Variants in KAZN observed in about 807,000 individuals in gnomAD.
The protein encoded by KAZN is kazrin, periplakin interacting protein, also known as kazrin.
In KAZN, 40 loss-of-function variants were observed where a neutral mutation model predicts 87.4. That is an observed-to-expected ratio of 0.46 (90% CI 0.36 to 0.60). The LOEUF is 0.60. KAZN is among the 20% of genes least tolerant of loss of function. The pLI is 0.00. For missense variants in KAZN, 898 were observed against 1,073.9 expected (o/e 0.84, Z 2.29); for synonymous variants, 466 against 458.3 (o/e 1.02, Z -0.22).
rs188669813 is a variant in KAZN at position 14,544,504 on chromosome 1, T to C, written c.250-54479T>C. On this transcript the variant is annotated intron_variant, in intron 2 of 16. Coordinates refer to the KAZN transcript ENST00000636203. ...GCAAAGGAGAAACATAGACTTCTTA[T>C]GAAATTCAAAAGTGCTAATGTCTCC... 5.5e-4 allele frequency among the ~76,000 whole-genome samples: 83 copies of C among 151,970 alleles called. 1 individual carries two copies. In the East Asian group the frequency reaches 0.011, roughly 21 times the overall value.
intron 4 of KAZN, among the ~76,000 whole-genome samples, chr1:15,052,644 G>A (rs1258972484): frequency 6.6e-6 from 1 of 152,146 alleles, no homozygotes; most frequent in Non-Finnish European, 1.5e-5. Context: ...ATACGTGGGT[G>A]TGAAAGCAGG....
At chr1:14,931,441 T>C (rs991020361) in intron 1 of KAZN, among the ~76,000 whole-genome samples, 1 of 150,192 alleles carries the variant, frequency 6.7e-6, no homozygotes, top group African/African-American at 2.4e-5. Flanking sequence ...AGAGCAAGAC[T>C]CTGTCTTTAA....
intron 1 of KAZN, among the ~76,000 whole-genome samples, chr1:14,884,261 G>A (rs1011423580): frequency 4.6e-5 from 7 of 151,850 alleles, no homozygotes; most frequent in East Asian, 1.9e-4. Flanking sequence ...GTGTGGTGGC[G>A]GGCACCTGTA....
intron 1 of KAZN, among the ~76,000 whole-genome samples, chr1:14,153,758 A>G (rs1246308847): frequency 7.1e-6 from 1 of 139,970 alleles, no homozygotes; most frequent in African/African-American, 2.7e-5. Context: ...AGCCTGGGCA[A>G]TAAGAGCAAA....
chr1:14,213,701 G>A (rs933806986), intron 2 of KAZN, among the ~76,000 whole-genome samples: 105 of 152,194 alleles, frequency 6.9e-4, no homozygotes, highest in African/African-American at 2.5e-3. Context: ...AGAATTATGT[G>A]ATTTGACTTA....
At chr1:14,912,330 C>A (rs971172970) in intron 1 of KAZN, among the ~76,000 whole-genome samples, 1 of 152,060 alleles carries the variant, frequency 6.6e-6, no homozygotes, top group Non-Finnish European at 1.5e-5. Flanking sequence ...CAGGACATTG[C>A]CTTTCACTAA....
chr1:14,973,499 C>A (rs1665294038), intron 2 of KAZN, among the ~76,000 whole-genome samples: 1 of 152,162 alleles, frequency 6.6e-6, no homozygotes, highest in African/African-American at 2.4e-5. Context: ...CGGGGTCATA[C>A]AATCTAAACT....
chr1:14,114,943 G>A (rs1238624942), intron 1 of KAZN, among the ~76,000 whole-genome samples: 1 of 152,196 alleles, frequency 6.6e-6, no homozygotes, highest in Admixed American at 6.5e-5. Context: ...AGTGTTTGGA[G>A]GTGCTCAGTC....
At chr1:13,909,727 T>G (rs1463535855) in intron 1 of KAZN, among the ~76,000 whole-genome samples, 1 of 152,224 alleles carries the variant, frequency 6.6e-6, no homozygotes, top group Admixed American at 6.5e-5. Flanking sequence ...GCAAGACGAA[T>G]TAAGCATTTA....
chr1:14,711,466 G>A (rs1642483686), intron 1 of KAZN, among the ~76,000 whole-genome samples: 1 of 152,178 alleles, frequency 6.6e-6, no homozygotes, highest in Admixed American at 6.5e-5. Flanking sequence ...CGACACGCAG[G>A]TTCTAGCATG....
At chr1:14,620,134 T>G (rs1014281418) in intron 1 of KAZN, among the ~76,000 whole-genome samples, 5 of 152,244 alleles carry the variant, frequency 3.3e-5, no homozygotes, top group Non-Finnish European at 7.3e-5. Context: ...TATGTATATA[T>G]GCGTATTTTA....
chr1:14,475,535 CAG>C (rs1170171035), intron 2 of KAZN, among the ~76,000 whole-genome samples: 1 of 152,176 alleles, frequency 6.6e-6, no homozygotes, highest in Non-Finnish European at 1.5e-5. Flanking sequence ...TGCTCAGACT[CAG>C]AGACTTCACT....
At chr1:14,062,391 G>T (rs531909591) in intron 1 of KAZN, among the ~76,000 whole-genome samples, 1 of 152,148 alleles carries the variant, frequency 6.6e-6, no homozygotes, top group South Asian at 2.1e-4. Flanking sequence ...GCAAAAGAGG[G>T]TTTTCAGTTT....
chr1:14,088,955 A>ATT (rs34377005), intron 1 of KAZN, among the ~76,000 whole-genome samples: 1,590 of 142,604 alleles, frequency 0.011, 28 homozygotes, highest in African/African-American at 0.035. Flanking sequence ...CATCATTCTA[A>ATT]TTTTTTTTTT....
chr1:15,098,229 C>G (rs1640883462), intron 10 of KAZN, among the ~76,000 whole-genome samples: 1 of 152,242 alleles, frequency 6.6e-6, no homozygotes, highest in Non-Finnish European at 1.5e-5. Flanking sequence ...GGCTCCAGTT[C>G]AGGGATGGGG....
intron 2 of KAZN, among the ~76,000 whole-genome samples, chr1:14,486,072 T>A (rs922611782): frequency 6.6e-6 from 1 of 152,092 alleles, no homozygotes. Context: ...TTCCCTTGAA[T>A]TTTCCTGGGC....
rs141878580 is a variant in KAZN, at chr1:15,054,607, G to A, written c.727-1484G>A. Among the ~76,000 whole-genome samples, 835 of 150,784 alleles carry A rather than the reference G, an allele frequency of 5.5e-3. 7 individuals carry two copies. The highest frequency in any genetic ancestry group is 0.03 in the East Asian group (153 of 5,112). ...GTGGAGGTTGCAGTAAACCGAGATC[G>A]CGCCACTGCACTCCGGCCTGGGCAA... On this transcript the variant is annotated intron_variant, in intron 4 of 14. Transcript: ENST00000376030.
chr1:14,133,442 T>A (rs1438973946), intron 1 of KAZN, among the ~76,000 whole-genome samples: 95 of 131,068 alleles, frequency 7.2e-4, no homozygotes, highest in East Asian at 1.3e-3. Context: ...AGAAAGAAAA[T>A]AGGGGAATCT....
Position 14,820,008 on chromosome 1 carries a change from C to G in KAZN, c.227-140676C>G, listed in dbSNP as rs189034344. 1.3e-5 allele frequency among the ~76,000 whole-genome samples: 2 copies of G among 151,876 alleles called. No homozygotes were observed. The highest frequency in any genetic ancestry group is 3.9e-4 in the East Asian group (2 of 5,170). On this transcript the variant is annotated intron_variant, in intron 1 of 14. Coordinates refer to ENST00000376030, the MANE Select transcript of KAZN (RefSeq NM_201628.3). This position sits in a 1 kb window ranked among gnomAD's most constrained non-coding sequence, Gnocchi z 4.1. ...GTAGGCATAAGCCACTGTGCCTGGC[C>G]CGAAAAAAAATCTATTTATATATAT... is the stretch of plus-strand genomic sequence containing the variant.
Sources: gnomAD v4.1 joint callset for allele counts (sites outside exome capture counted in the v4.1 genomes callset) on GRCh38, gnomAD v4.1.1 for gene constraint, Gnocchi (gnomAD v3.1) non-coding constraint, MANE v1.5 for transcripts, NCBI Gene and HGNC (gene_info 2026-07-23, HGNC 2026-07-21) for gene names.